RFX3: variants seen among roughly 807,000 people sequenced by gnomAD.
The protein encoded by RFX3 is regulatory factor X3, also known as transcription factor RFX3.
Under a neutral mutation model 98.6 loss-of-function variants are expected in RFX3, and 14 were observed. The observed-to-expected ratio is 0.14, with a 90% CI of 0.09 to 0.22. RFX3 has a LOEUF of 0.22. RFX3 is among the 10% of genes least tolerant of loss of function. The pLI is 1.00. For missense variants in RFX3, 639 were observed against 926.9 expected, an observed-to-expected ratio of 0.69 and a Z score of 4.03; for synonymous variants, 383 against 328.4, an observed-to-expected ratio of 1.17 and a Z score of -1.80.
chr9:3,339,142 C>A (rs909498729), intron 3 of RFX3, among the ~76,000 whole-genome samples: 1 of 151,794 alleles, frequency 6.6e-6, no homozygotes, highest in Admixed American at 6.6e-5. Context: ...AAAAAAACCC[C>A]AAAGTCTACT....
chr9:3,288,267 G>T lies in RFX3; in HGVS notation c.732-17C>A, dbSNP rs569279403. The T allele has an allele frequency of 3.7e-6, 6 of 1,608,450 alleles. No individual in the cohort carries two copies. The South Asian group carries it at 6.6e-5, about 18-fold the overall frequency. On this transcript the variant is annotated splice_polypyrimidine_tract_variant and intron_variant, in intron 6 of 16. Transcript: ENST00000617270. Reference sequence around the variant, plus strand: ...GAGTTTCCTCTTCATTAATGAACAAGAAACATTAGAAACAAAAGTCAGTCA... The same window carrying T: ...GAGTTTCCTCTTCATTAATGAACAATAAACATTAGAAACAAAAGTCAGTCA...
chr9:3,420,832 A>G (rs556086545), intron 1 of RFX3: 17 of 985,146 alleles, frequency 1.7e-5, no homozygotes, highest in Non-Finnish European at 2.0e-5. Context: ...CCAAGATGTC[A>G]GAAAGCATTC....
At chr9:3,274,388 C>A (rs1309671931) in intron 9 of RFX3, among the ~76,000 whole-genome samples, 1 of 152,172 alleles carries the variant, frequency 6.6e-6, no homozygotes, top group Admixed American at 6.6e-5. Flanking sequence ...AATAAAGCTA[C>A]TTAAATTCTA....
chr9:3,377,456 A>G (rs1288457917), intron 2 of RFX3, among the ~76,000 whole-genome samples: 2 of 152,072 alleles, frequency 1.3e-5, no homozygotes, highest in African/African-American at 4.8e-5. Context: ...GGGTGAGGGG[A>G]AGGGATAACA....
chr9:3,521,846 T>C (rs1274124565), intron 1 of RFX3, among the ~76,000 whole-genome samples: 2 of 152,164 alleles, frequency 1.3e-5, no homozygotes, highest in African/African-American at 2.4e-5. Context: ...TTTATTCAAA[T>C]TGGCCTTGGG....
chr9:3,264,409 C>A (rs946430985), intron 12 of RFX3, among the ~76,000 whole-genome samples: 3 of 152,018 alleles, frequency 2.0e-5, no homozygotes, highest in Admixed American at 6.6e-5. Flanking sequence ...AGAGGGTGTT[C>A]ACAGGGAACA....
rs138593830 is a variant in RFX3, at chr9:3,262,922, G to A, written c.1605+13C>T. The A allele has an allele frequency of 5.3e-5, 86 of 1,610,758 alleles. 1 individual carries two copies. The highest frequency in any genetic ancestry group is 1.7e-4 in the Middle Eastern group (1 of 6,052). ...TTTCCTTAAGAGACATGCTTTGCAAGGAAATAGAATACCTGGACATTGGCA... is the reference window on the plus strand; with the variant it reads ...TTTCCTTAAGAGACATGCTTTGCAAAGAAATAGAATACCTGGACATTGGCA... On this transcript the variant is annotated intron_variant, in intron 13 of 16. Coordinates refer to ENST00000617270, the MANE Select transcript of RFX3 (RefSeq NM_001282116.2).
chr9:3,410,869 T>C (rs534366383), intron 1 of RFX3, among the ~76,000 whole-genome samples: 5 of 152,338 alleles, frequency 3.3e-5, no homozygotes, highest in African/African-American at 9.6e-5. Context: ...TGATGCATAC[T>C]ATTGGTTTTT....
At chr9:3,475,356 G>A (rs139048194) in intron 1 of RFX3, among the ~76,000 whole-genome samples, 311 of 151,630 alleles carry the variant, frequency 2.1e-3, no homozygotes, top group African/African-American at 7.2e-3. Context: ...CGCAGAGACC[G>A]GTAGTGGCCC....
chr9:3,221,962 G>A lies in RFX3; in HGVS notation c.*3080C>T, dbSNP rs1817361122. On this transcript the variant is annotated 3_prime_UTR_variant, in exon 17 of 17. Coordinates refer to ENST00000617270, the MANE Select transcript of RFX3 (RefSeq NM_001282116.2). ...CAAAGAAGTCTTAAAATGTGTACTTGTGTCATTTGTGAATAAATCTGTTGA... is the reference window on the plus strand; with the variant it reads ...CAAAGAAGTCTTAAAATGTGTACTTATGTCATTTGTGAATAAATCTGTTGA... 6.6e-6 allele frequency: 1 copy of A among 152,066 alleles called. No homozygotes were observed. Among genetic ancestry groups the A allele is most frequent in the South Asian group, 2.1e-4 (1 of 4,828 alleles). The allele number at this position is 152,066 out of a possible 1,614,324, so 9.4% of individuals were successfully genotyped here.
intron 7 of RFX3, among the ~76,000 whole-genome samples, chr9:3,279,840 G>GA (rs1825705040): frequency 1.3e-5 from 2 of 151,862 alleles, no homozygotes; most frequent in South Asian, 4.1e-4. Flanking sequence ...ATTAACATAT[G>GA]ATTATACTTA....
At chr9:3,237,784 A>G (rs573263922) in intron 15 of RFX3, among the ~76,000 whole-genome samples, 9 of 152,344 alleles carry the variant, frequency 5.9e-5, no homozygotes, top group South Asian at 4.1e-4. Context: ...TAAATGGGAA[A>G]TATAGAATTT....
chr9:3,318,761 T>C (rs1179525124), intron 4 of RFX3, among the ~76,000 whole-genome samples: 4 of 152,208 alleles, frequency 2.6e-5, no homozygotes, highest in Non-Finnish European at 4.4e-5. Flanking sequence ...GGCAATTTTG[T>C]ACCAAAGTTG....
chr9:3,266,188 A>T lies in RFX3; in HGVS notation c.1455+20T>A. ...ATAATTTCCTCAACACAAAAGAAAA[A>T]GCAAGGACATAAAGTATACCTTGGT... On this transcript the variant is annotated intron_variant, in intron 12 of 16. Coordinates refer to ENST00000617270, the MANE Select transcript of RFX3 (RefSeq NM_001282116.2). The T allele has an allele frequency of 1.4e-6, 2 of 1,431,368 alleles. No homozygotes were observed. Among genetic ancestry groups the T allele is most frequent in the Non-Finnish European group, 2.0e-6 (2 of 1,024,454 alleles). 88.7% of individuals were successfully genotyped at this position (1,431,368 alleles called of 1,614,324 possible).
At chr9:3,366,219 A>C (rs1837048500) in intron 2 of RFX3, among the ~76,000 whole-genome samples, 1 of 152,168 alleles carries the variant, frequency 6.6e-6, no homozygotes, top group Non-Finnish European at 1.5e-5. Context: ...GAAACACCAT[A>C]GGTGAGCATT....
chr9:3,454,797 T>C (rs1846999754), intron 1 of RFX3, among the ~76,000 whole-genome samples: 1 of 152,200 alleles, frequency 6.6e-6, no homozygotes. Flanking sequence ...CATTCACATG[T>C]GTATCAAATC....
chr9:3,475,203 T>C (rs758485453), intron 1 of RFX3, among the ~76,000 whole-genome samples: 9 of 151,942 alleles, frequency 5.9e-5, no homozygotes, highest in Non-Finnish European at 1.2e-4. Context: ...TATATCTTCA[T>C]CTTGAACACT....
At chr9:3,302,230 G>C (rs2130103565) in intron 4 of RFX3, among the ~76,000 whole-genome samples, 1 of 151,882 alleles carries the variant, frequency 6.6e-6, no homozygotes, top group East Asian at 1.9e-4. Context: ...ACGATGTGGT[G>C]TTAAGGCAGA....
intron 2 of RFX3, among the ~76,000 whole-genome samples, chr9:3,386,855 TA>T (rs1013630086): frequency 8.5e-5 from 13 of 152,128 alleles, no homozygotes; most frequent in Admixed American, 6.6e-5. Flanking sequence ...GGGGAATACC[TA>T]ATGAAATAAG....
Sources: allele counts gnomAD v4.1 joint callset (sites outside exome capture counted in the v4.1 genomes callset), GRCh38; gene constraint gnomAD v4.1.1; transcripts MANE v1.5; gene names NCBI Gene and HGNC (gene_info 2026-07-23, HGNC 2026-07-21).